Variants in KDM4C observed in about 807,000 individuals in gnomAD.
KDM4C encodes lysine-specific demethylase 4C.
Under a neutral mutation model 129.3 loss-of-function variants are expected in KDM4C, and 81 were observed. The observed-to-expected ratio is 0.63, with a 90% CI of 0.52 to 0.75. KDM4C has a LOEUF of 0.75. Among genes scored for constraint, KDM4C ranks in the 30% least tolerant of loss-of-function variants. KDM4C has a pLI of 0.00. For synonymous variants in KDM4C, 573 were observed against 456.1 expected (o/e 1.26, Z -3.26); for missense variants, 1,457 against 1,304.0 (o/e 1.12, Z -1.81).
intron 17 of KDM4C, among the ~76,000 whole-genome samples, chr9:7,062,691 T>A (rs1462702776): frequency 6.6e-6 from 1 of 152,144 alleles, no homozygotes; most frequent in Non-Finnish European, 1.5e-5. Flanking sequence ...GCCCCCTTTT[T>A]TTTTTCCCCA....
chr9:6,982,202 T>C (rs910033469), intron 9 of KDM4C: 1 of 149,046 alleles, frequency 6.7e-6, no homozygotes, highest in African/African-American at 2.4e-5. Flanking sequence ...AGACTTATGA[T>C]GCTTATTTTC....
chr9:7,117,471 A>G (rs567976093), intron 18 of KDM4C, among the ~76,000 whole-genome samples: 2 of 152,196 alleles, frequency 1.3e-5, no homozygotes, highest in South Asian at 4.2e-4. Context: ...ATTTAAAGGA[A>G]ATATTACCTT....
chr9:6,806,872 GTCTCCGTCTCCCTCTCCCTCTCCC>G (rs1215002882), intron 3 of KDM4C, among the ~76,000 whole-genome samples: 8 of 132,658 alleles, frequency 6.0e-5, no homozygotes, highest in African/African-American at 2.3e-4. Context: ...CTCCCTCTCC[GTCTCCGTCTCCCTCTCCCTCTCCC>G]TCTCCCTCTC....
At chr9:7,021,400 C>T (rs753289522) in intron 15 of KDM4C, among the ~76,000 whole-genome samples, 39 of 152,170 alleles carry the variant, frequency 2.6e-4, no homozygotes, top group Non-Finnish European at 5.4e-4. Flanking sequence ...CTTCGTCGGC[C>T]TCCCAAAGTG....
intron 17 of KDM4C, among the ~76,000 whole-genome samples, chr9:7,062,834 C>T (rs4742296): frequency 0.76 from 114,861 of 152,052 alleles, 43,551 homozygotes; most frequent in Admixed American, 0.78. Context: ...GTTTTTGATA[C>T]GGGGACACAA....
intron 2 of KDM4C, 108 bp from the exon 3 acceptor site, chr9:6,805,491 C>A: frequency 1.4e-5 from 8 of 567,224 alleles, no homozygotes; most frequent in South Asian, 4.4e-5. Flanking sequence ...ACACATTTGT[C>A]ATAGAGATAC....
intron 1 of KDM4C, among the ~76,000 whole-genome samples, chr9:6,743,493 C>T (rs992781265): frequency 3.3e-5 from 5 of 151,508 alleles, no homozygotes; most frequent in Admixed American, 2.6e-4. Context: ...CAAAGAATAA[C>T]ACAATATTTT....
chr9:7,099,613 A>C (rs1836843933), intron 17 of KDM4C, among the ~76,000 whole-genome samples: 1 of 152,214 alleles, frequency 6.6e-6, no homozygotes, highest in Non-Finnish European at 1.5e-5. Flanking sequence ...TTAACCCTGT[A>C]GCCTCTTGGT....
chr9:6,967,391 T>C (rs1303680534), intron 8 of KDM4C, among the ~76,000 whole-genome samples: 2 of 145,640 alleles, frequency 1.4e-5, no homozygotes, highest in Non-Finnish European at 3.0e-5. Flanking sequence ...GCCGCTGCAC[T>C]CCTGCCTGGG....
At chr9:6,890,234 C>T (rs1301698835) in intron 7 of KDM4C, among the ~76,000 whole-genome samples, 1 of 152,190 alleles carries the variant, frequency 6.6e-6, no homozygotes, top group Non-Finnish European at 1.5e-5. Flanking sequence ...ATTCCTGATT[C>T]AGTCGCATAA....
chr9:6,950,605 T>A (rs1441342831), intron 8 of KDM4C, among the ~76,000 whole-genome samples: 2 of 152,332 alleles, frequency 1.3e-5, no homozygotes, highest in East Asian at 3.9e-4. Flanking sequence ...TTAAGTGAGA[T>A]TATCTCTGTA....
chr9:6,740,110 G>C (rs890884626), intron 1 of KDM4C, among the ~76,000 whole-genome samples: 2 of 151,942 alleles, frequency 1.3e-5, no homozygotes, highest in African/African-American at 4.8e-5. Context: ...GGATGGCCTC[G>C]ATCTCTTGAC....
At chr9:7,131,488 A>G (rs1840635806) in intron 19 of KDM4C, among the ~76,000 whole-genome samples, 1 of 151,930 alleles carries the variant, frequency 6.6e-6, no homozygotes, top group Non-Finnish European at 1.5e-5. Context: ...GAGAAGTCCC[A>G]AGATATTTTT....
At chr9:7,062,807 A>G (rs1041970170) in intron 17 of KDM4C, among the ~76,000 whole-genome samples, 4 of 152,148 alleles carry the variant, frequency 2.6e-5, no homozygotes, top group Non-Finnish European at 5.9e-5. Flanking sequence ...CAGAAATTCC[A>G]TGAAGTGACC....
intron 8 of KDM4C, among the ~76,000 whole-genome samples, chr9:6,901,240 C>T (rs1328705205): frequency 1.3e-5 from 2 of 152,068 alleles, no homozygotes; most frequent in Non-Finnish European, 2.9e-5. Flanking sequence ...CCCTGGGCAC[C>T]CCCCAGAGTT....
At chr9:6,781,390 T>C (rs1373356067) in intron 1 of KDM4C, among the ~76,000 whole-genome samples, 2 of 152,170 alleles carry the variant, frequency 1.3e-5, no homozygotes, top group African/African-American at 4.8e-5. Flanking sequence ...TTGTGTTTTT[T>C]TTTTAAAGAC....
chr9:7,006,546 A>G (rs1481592063), intron 12 of KDM4C, among the ~76,000 whole-genome samples: 2 of 152,022 alleles, frequency 1.3e-5, no homozygotes, highest in Non-Finnish European at 2.9e-5. Context: ...CATTTAAGAC[A>G]CCTTGGAAAG....
intron 16 of KDM4C, among the ~76,000 whole-genome samples, chr9:7,048,885 G>T (rs904549112): frequency 3.3e-5 from 5 of 151,570 alleles, no homozygotes; most frequent in African/African-American, 1.2e-4. Context: ...AGCTCTTCAT[G>T]GCACAATGTT....
At chr9:6,895,464 G>A (rs747839887) in intron 8 of KDM4C, among the ~76,000 whole-genome samples, 12 of 152,158 alleles carry the variant, frequency 7.9e-5, no homozygotes, top group Non-Finnish European at 1.2e-4. Flanking sequence ...TTCAGAGCAG[G>A]CAATCCGCAA....
Sources: gnomAD v4.1 joint callset for allele counts (sites outside exome capture counted in the v4.1 genomes callset) on GRCh38, gnomAD v4.1.1 for gene constraint, MANE v1.5 for transcripts, NCBI Gene and HGNC (gene_info 2026-07-23, HGNC 2026-07-21) for gene names.